Variants in VOPP1 observed in about 807,000 individuals in gnomAD.
The protein encoded by VOPP1 is WW domain binding protein VOPP1.
Under a neutral mutation model 23.5 loss-of-function variants are expected in VOPP1, and 8 were observed. The observed-to-expected ratio is 0.34, with a 90% CI of 0.20 to 0.61. The LOEUF (loss-of-function observed/expected upper bound fraction) is 0.61, where lower values mean the gene tolerates loss of function less well. Among genes scored for constraint, VOPP1 ranks in the 20% least tolerant of loss-of-function variants. The pLI, the probability that VOPP1 is intolerant of heterozygous loss-of-function variation, is 0.78. For synonymous variants in VOPP1, 83 were observed against 97.3 expected (o/e 0.85, Z 0.86); for missense variants, 174 against 238.1 (o/e 0.73, Z 1.77).
At chr7:55,555,418 T>A (rs993218470) in intron 1 of VOPP1, among the ~76,000 whole-genome samples, 1 of 152,212 alleles carries the variant, frequency 6.6e-6, no homozygotes, top group East Asian at 1.9e-4. Context: ...CAGATGACCT[T>A]TGCTAAATCC....
At chr7:55,437,240 A>T (rs1790854822) in intron 4 of VOPP1, among the ~76,000 whole-genome samples, 1 of 152,178 alleles carries the variant, frequency 6.6e-6, no homozygotes. Flanking sequence ...CTGGCTCCCG[A>T]GGAGTCCCCA....
chr7:55,487,097 C>T (rs972052130), intron 4 of VOPP1, among the ~76,000 whole-genome samples: 2 of 152,182 alleles, frequency 1.3e-5, no homozygotes, highest in East Asian at 1.9e-4. Context: ...TCCTCACAAC[C>T]GAAGCAGCCC....
Position 55,492,357 on chromosome 7 carries a change from T to C in VOPP1, c.253A>G (p.Met85Val), listed in dbSNP as rs748423120. The C allele has an allele frequency of 3.1e-6, 5 of 1,608,574 alleles. No individual in the cohort carries two copies. The highest frequency in any genetic ancestry group is 2.7e-5 in the African/African-American group (2 of 74,814). The change falls in exon 4 of 5, where the codon ATG becomes GTG. Residue 85 changes from methionine to valine, a missense_variant. Transcript: ENST00000285279. ...CGAGFFIRRRMYPPPLIEEPA... is the reference protein window; with the variant it reads ...CGAGFFIRRRVYPPPLIEEPA... Reference sequence around the variant, plus strand: ...TCCTCGATCAGCGGCGGGGGGTACATGCGCCTCCGGATGAAGAAGCCGGCT... The same window carrying C: ...TCCTCGATCAGCGGCGGGGGGTACACGCGCCTCCGGATGAAGAAGCCGGCT...
At chr7:55,527,745 T>C (rs934520967) in intron 1 of VOPP1, among the ~76,000 whole-genome samples, 5 of 152,118 alleles carry the variant, frequency 3.3e-5, no homozygotes, top group Non-Finnish European at 7.4e-5. Flanking sequence ...CATGATTCAA[T>C]GAGAAAAAGA....
chr7:55,508,362 G>A (rs1238858902), intron 2 of VOPP1, among the ~76,000 whole-genome samples: 5 of 152,116 alleles, frequency 3.3e-5, no homozygotes, highest in Non-Finnish European at 5.9e-5. Context: ...CAAATTCCTT[G>A]GCTTAAGTGA....
At chr7:55,513,305 C>G (rs10215187) in intron 2 of VOPP1, among the ~76,000 whole-genome samples, 51,654 of 152,016 alleles carry the variant, frequency 0.34, 9,193 homozygotes, top group African/African-American at 0.44. Flanking sequence ...ACTAGGTAAG[C>G]CATGACACTG....
At position 55,471,835 on chromosome 7, in the gene VOPP1, C is replaced by G. The variant is rs1583831070; in HGVS notation, c.*1020G>C. The G allele has an allele frequency of 6.6e-6, 1 of 151,894 alleles. No homozygotes were observed. Among genetic ancestry groups the G allele is most frequent in the East Asian group, 1.9e-4 (1 of 5,158 alleles). The allele number at this position is 151,894 out of a possible 1,614,324, so 9.4% of individuals were successfully genotyped here. A position where few individuals can be genotyped will look rare whatever the true frequency, so the allele number is the denominator to read the frequency against. The stretch of plus-strand genomic sequence containing the variant: ...CACCCGCTTAGACCCAACACAACCT[C>G]AGAGAGAGACGCCTCAGCTGGTCTC... On this transcript the variant is annotated 3_prime_UTR_variant, in exon 5 of 5. Transcript: ENST00000285279.
intron 4 of VOPP1, 100 bp from the exon 5 acceptor site, chr7:55,473,145 A>T: frequency 6.7e-7 from 1 of 1,493,156 alleles, no homozygotes; most frequent in Non-Finnish European, 8.9e-7. Flanking sequence ...CCCGTCATTC[A>T]CTCAGCGACA....
At chr7:55,475,249 G>C (rs1374717720) in intron 4 of VOPP1, among the ~76,000 whole-genome samples, 2 of 152,216 alleles carry the variant, frequency 1.3e-5, no homozygotes, top group African/African-American at 4.8e-5. Context: ...TAAAGCACTT[G>C]GAGCCTACTA....
intron 1 of VOPP1, among the ~76,000 whole-genome samples, chr7:55,542,541 G>C (rs192325688): frequency 1.0e-3 from 159 of 152,270 alleles, no homozygotes; most frequent in Admixed American, 2.7e-3. Context: ...TGTGATCCCA[G>C]CACTTTGGGA....
At chr7:55,518,444 T>C (rs113396658) in intron 2 of VOPP1, among the ~76,000 whole-genome samples, 157 of 152,348 alleles carry the variant, frequency 1.0e-3, no homozygotes, top group African/African-American at 3.5e-3. Context: ...GGTTATGGAA[T>C]GCACAGGCCA....
At chr7:55,541,960 G>A (rs936128196) in intron 1 of VOPP1, among the ~76,000 whole-genome samples, 2 of 152,120 alleles carry the variant, frequency 1.3e-5, no homozygotes, top group Non-Finnish European at 2.9e-5. Context: ...CTTCTAGGAG[G>A]AACAAAATAT....
At chr7:55,485,902 G>A (rs1562912640) in intron 4 of VOPP1, among the ~76,000 whole-genome samples, 1 of 152,222 alleles carries the variant, frequency 6.6e-6, no homozygotes, top group Non-Finnish European at 1.5e-5. Flanking sequence ...AAGTGCAATG[G>A]TAGACTCGGG....
intron 1 of VOPP1, among the ~76,000 whole-genome samples, chr7:55,534,126 T>G (rs1416979108): frequency 1.9e-5 from 2 of 105,714 alleles, no homozygotes; most frequent in Non-Finnish European, 3.6e-5. Flanking sequence ...AATCATTTCA[T>G]GTAGCTTTTT....
chr7:55,533,885 G>A (rs1176276465), intron 1 of VOPP1, among the ~76,000 whole-genome samples: 1 of 152,168 alleles, frequency 6.6e-6, no homozygotes, highest in African/African-American at 2.4e-5. Flanking sequence ...AGTGTGTGGT[G>A]GGTGGGTAGG....
intron 4 of VOPP1, among the ~76,000 whole-genome samples, chr7:55,454,703 TGATTATCTC>T (rs1791323860): frequency 6.6e-6 from 1 of 152,120 alleles, no homozygotes; most frequent in Non-Finnish European, 1.5e-5. Context: ...AAAAACCACA[TGATTATCTC>T]AATAGATGCA....
At position 55,497,670 on chromosome 7, in the gene VOPP1, C is replaced by A; in HGVS notation, c.134G>T (p.Cys45Phe). ...CCGCACACAGCACCTGGAGCCACAG[C>A]AGTCCTCGTAGGAGCGGCATCTGTG... ...TYYICRSYED[C>F]CGSRCCVRAL... The change falls in exon 3 of 5, where the codon TGC becomes TTC. Residue 45 changes from cysteine to phenylalanine, a missense_variant. By Grantham distance (205) the Cys-to-Phe change is radical. Coordinates refer to ENST00000285279, the MANE Select transcript of VOPP1 (RefSeq NM_030796.5). 1 of 1,613,844 alleles carries A rather than the reference C, an allele frequency of 6.2e-7. No homozygotes were observed. Among genetic ancestry groups the A allele is most frequent in the Non-Finnish European group, 8.5e-7 (1 of 1,179,862 alleles).
At chr7:55,479,800 T>TG (rs553013159) in intron 4 of VOPP1, among the ~76,000 whole-genome samples, 340 of 152,350 alleles carry the variant, frequency 2.2e-3, no homozygotes, top group African/African-American at 8.0e-3. Flanking sequence ...GAGCACACAG[T>TG]GGAAGGCTTG....
At chr7:55,451,584 G>A (rs1388750566) in intron 4 of VOPP1, among the ~76,000 whole-genome samples, 1 of 152,194 alleles carries the variant, frequency 6.6e-6, no homozygotes, top group African/African-American at 2.4e-5. Context: ...AAGGTCAGGA[G>A]TTTGAGACCA....
Sources: allele counts gnomAD v4.1 joint callset (sites outside exome capture counted in the v4.1 genomes callset), GRCh38; gene constraint gnomAD v4.1.1; transcripts MANE v1.5; gene names NCBI Gene and HGNC (gene_info 2026-07-23, HGNC 2026-07-21).